Variants in KAZN observed in about 807,000 individuals in gnomAD.
KAZN encodes the protein kazrin.
In KAZN, 40 loss-of-function variants were observed where a neutral mutation model predicts 87.4. That is an observed-to-expected ratio of 0.46 (90% CI 0.36 to 0.60). The LOEUF (loss-of-function observed/expected upper bound fraction) is 0.60. Ranked by LOEUF, KAZN falls within the 20% of genes least tolerant of loss-of-function variation. The probability of loss-of-function intolerance (pLI) is 0.00; values close to 1 mark genes in which losing one functional copy is unlikely to be tolerated. For synonymous variants in KAZN, 466 were observed against 458.3 expected (o/e 1.02, Z -0.22); for missense variants, 898 against 1,073.9 (o/e 0.84, Z 2.29).
intron 2 of KAZN, among the ~76,000 whole-genome samples, chr1:14,534,690 C>T (rs1672389700): frequency 6.6e-6 from 1 of 152,094 alleles, no homozygotes; most frequent in Admixed American, 6.6e-5. Flanking sequence ...GTTCAAGGCT[C>T]AAATTTTCAC....
chr1:14,091,605 A>T (rs1361658045), intron 1 of KAZN, among the ~76,000 whole-genome samples: 3 of 152,200 alleles, frequency 2.0e-5, no homozygotes, highest in Non-Finnish European at 2.9e-5. Flanking sequence ...AAAATGTCAA[A>T]ACATTTTGTG....
chr1:14,066,083 G>T (rs1335935015), intron 1 of KAZN, among the ~76,000 whole-genome samples: 1 of 152,114 alleles, frequency 6.6e-6, no homozygotes, highest in Non-Finnish European at 1.5e-5. Context: ...TACAGTATTT[G>T]GTTTTCCATT....
In KAZN at chr1:14,420,289, G is replaced by A. The variant is rs78611777; in HGVS notation, c.250-178694G>A. Among the ~76,000 whole-genome samples the A allele has an allele frequency of 5.2e-3, 790 of 152,330 alleles. 21 individuals carry two copies. The East Asian group carries it at 0.081, about 16-fold the overall frequency. On this transcript the variant is annotated intron_variant, in intron 2 of 16. Coordinates refer to the KAZN transcript ENST00000636203. ...CTCCAAGTCCCCACCAGATTAGCTA[G>A]ATACAGAGTGCTGATTAGTGCACCC...
intron 1 of KAZN, among the ~76,000 whole-genome samples, chr1:14,637,639 C>T (rs958683937): frequency 4.0e-5 from 6 of 151,406 alleles, no homozygotes; most frequent in African/African-American, 1.5e-4. Context: ...TGTGTGGGGG[C>T]GGGTGTTATT....
chr1:15,092,557 C>T lies in KAZN; in HGVS notation c.1223-1623C>T, dbSNP rs150698696. 2.6e-5 allele frequency among the ~76,000 whole-genome samples: 4 copies of T among 152,126 alleles called. No individual in the cohort carries two copies. The East Asian group carries it at 7.7e-4, about 29-fold the overall frequency. On this transcript the variant is annotated intron_variant, in intron 8 of 14. Transcript: ENST00000376030. The stretch of plus-strand genomic sequence containing the variant: ...TATGATCTTGGCTCACTATAACCTC[C>T]GCCTCCCTGGCTGAAAAGATCCTCC...
chr1:13,937,129 C>A (rs1018579563), intron 1 of KAZN, among the ~76,000 whole-genome samples: 4 of 151,526 alleles, frequency 2.6e-5, no homozygotes. Context: ...TCACCATTAC[C>A]TCTGCCTCCT....
chr1:14,325,189 C>T (rs1372047143), intron 2 of KAZN, among the ~76,000 whole-genome samples: 1 of 151,472 alleles, frequency 6.6e-6, no homozygotes, highest in Non-Finnish European at 1.5e-5. Context: ...CTCTCTCTCT[C>T]TTTTTCACCT....
Position 14,401,540 on chromosome 1 carries a change from G to A in KAZN, c.250-197443G>A, listed in dbSNP as rs1362667821. Among the ~76,000 whole-genome samples the A allele has an allele frequency of 2.0e-5, 3 of 152,020 alleles. No homozygotes were observed. In the East Asian group the frequency reaches 5.8e-4, roughly 29 times the overall value. ...TTTAGAATCTATCAGTATAGGTCTG[G>A]CACAGTGGCCCATGCCTGTAATCTC... On this transcript the variant is annotated intron_variant, in intron 2 of 16. Coordinates refer to the KAZN transcript ENST00000636203.
chr1:14,902,392 AT>A (rs1040573229), intron 1 of KAZN, among the ~76,000 whole-genome samples: 1 of 151,802 alleles, frequency 6.6e-6, no homozygotes, highest in Non-Finnish European at 1.5e-5. Flanking sequence ...CACCCGGCTA[AT>A]TTTTTTGTAT....
At chr1:14,388,760 T>G (rs1315897352) in intron 2 of KAZN, among the ~76,000 whole-genome samples, 1 of 152,096 alleles carries the variant, frequency 6.6e-6, no homozygotes, top group East Asian at 1.9e-4. Context: ...AAGAAAACAT[T>G]AGGGAAACTC....
intron 2 of KAZN, among the ~76,000 whole-genome samples, chr1:14,481,013 C>A (rs1298587811): frequency 6.6e-6 from 1 of 151,226 alleles, no homozygotes; most frequent in Non-Finnish European, 1.5e-5. Context: ...TGACTATACA[C>A]TTGATCAGTT....
intron 2 of KAZN, among the ~76,000 whole-genome samples, chr1:14,547,391 T>C (rs1673222826): frequency 6.6e-6 from 1 of 152,230 alleles, no homozygotes; most frequent in African/African-American, 2.4e-5. Flanking sequence ...TGTCATTAAC[T>C]GACTATGTGT....
At chr1:14,974,305 A>C (rs952056593) in intron 2 of KAZN, among the ~76,000 whole-genome samples, 28 of 152,332 alleles carry the variant, frequency 1.8e-4, no homozygotes, top group Middle Eastern at 6.8e-3. Flanking sequence ...TGGGAGATGC[A>C]TTTGTGTCCA....
At chr1:14,030,065 C>A in intron 1 of KAZN, among the ~76,000 whole-genome samples, 1 of 151,810 alleles carries the variant, frequency 6.6e-6, no homozygotes, top group African/African-American at 2.4e-5. Context: ...TTACCTTGGG[C>A]AGTATGGCCA....
chr1:14,875,849 G>C (rs554762601), intron 1 of KAZN, among the ~76,000 whole-genome samples: 62 of 152,246 alleles, frequency 4.1e-4, no homozygotes, highest in Non-Finnish European at 1.3e-4. Flanking sequence ...TCAATCTGAA[G>C]TGTGACCTCG....
At chr1:14,318,328 A>G (rs960206510) in intron 2 of KAZN, among the ~76,000 whole-genome samples, 1 of 152,016 alleles carries the variant, frequency 6.6e-6, no homozygotes, top group Admixed American at 6.6e-5. Context: ...CTGGCTCTAG[A>G]ATGCTATGTT....
At chr1:14,571,196 C>G (rs1343062172) in intron 2 of KAZN, among the ~76,000 whole-genome samples, 1 of 151,476 alleles carries the variant, frequency 6.6e-6, no homozygotes, top group Non-Finnish European at 1.5e-5. Flanking sequence ...GAATTCAAAA[C>G]TAAGAACTGT....
intron 1 of KAZN, among the ~76,000 whole-genome samples, chr1:14,112,016 A>T (rs149845900): frequency 0.016 from 2,392 of 152,034 alleles, 49 homozygotes; most frequent in African/African-American, 0.055. Context: ...GTGATTACAG[A>T]CGTGAGCCAC....
intron 1 of KAZN, among the ~76,000 whole-genome samples, chr1:14,880,982 T>A (rs1271345491): frequency 6.6e-6 from 1 of 152,166 alleles, no homozygotes; most frequent in Non-Finnish European, 1.5e-5. Flanking sequence ...CCAGTTAACA[T>A]GGGGAAAACA....
Sources: gnomAD v4.1 joint callset for allele counts (sites outside exome capture counted in the v4.1 genomes callset) on GRCh38, gnomAD v4.1.1 for gene constraint, MANE v1.5 for transcripts, NCBI Gene and HGNC (gene_info 2026-07-23, HGNC 2026-07-21) for gene names.